RABGAP1: variants seen among roughly 807,000 people sequenced by gnomAD.
RABGAP1 encodes the protein RAB GTPase activating protein 1, also known as rab GTPase-activating protein 1.
In RABGAP1, 23 loss-of-function variants were observed where a neutral mutation model predicts 137.6. The ratio of observed to expected loss-of-function variants is 0.17; its 90% CI spans 0.12 to 0.24. RABGAP1 has a LOEUF of 0.24. Among genes scored for constraint, RABGAP1 ranks in the 10% least tolerant of loss-of-function variants. The probability of loss-of-function intolerance (pLI) is 1.00; values close to 1 mark genes in which losing one functional copy is unlikely to be tolerated. For synonymous variants in RABGAP1, 451 were observed against 450.7 expected (o/e 1.00, Z -0.01); for missense variants, 906 against 1,275.8 (o/e 0.71, Z 4.42).
At position 122,998,660 on chromosome 9, in the gene RABGAP1, G is replaced by A. The variant is rs767417152; in HGVS notation, c.1268G>A (p.Arg423Gln). ...LVITEVQEPV[R>Q]FLLETKVRVC... ...ATAACAGAAGTACAGGAGCCTGTTC[G>A]ATTTCTCCTGGAGACAAAAGTCCGC... Residue 423 changes from arginine (R) to glutamine (Q), a missense_variant, in exon 10 of 26, where the codon CGA becomes CAA. By Grantham distance (43) the Arg-to-Gln change is conservative. This residue lies in a region of RABGAP1 where 212 missense variants were observed against 289.4 expected (regional missense o/e 0.73). Coordinates refer to ENST00000373647, the MANE Select transcript of RABGAP1 (RefSeq NM_012197.4). The A allele has an allele frequency of 6.2e-7, 1 of 1,611,720 alleles. No individual in the cohort carries two copies. The highest frequency in any genetic ancestry group is 8.5e-7 in the Non-Finnish European group (1 of 1,177,926).
chr9:122,973,658 C>G (rs1835596622), intron 2 of RABGAP1, among the ~76,000 whole-genome samples: 1 of 152,200 alleles, frequency 6.6e-6, no homozygotes, highest in Non-Finnish European at 1.5e-5. Flanking sequence ...AAAAGTCACT[C>G]TGTCTCAGTA....
intron 1 of RABGAP1, chr9:122,945,848 C>T (rs1045378055): frequency 1.2e-4 from 18 of 152,158 alleles, no homozygotes; most frequent in Admixed American, 6.5e-5. Context: ...TTAAAACTTT[C>T]TCCCTTTTTC....
At chr9:122,979,199 A>G (rs1835924649) in intron 2 of RABGAP1, among the ~76,000 whole-genome samples, 2 of 152,150 alleles carry the variant, frequency 1.3e-5, no homozygotes, top group Non-Finnish European at 2.9e-5. Flanking sequence ...CGCCCAGACT[A>G]TAGTCATTCT....
At chr9:122,956,129 C>T (rs1249177588) in intron 1 of RABGAP1, among the ~76,000 whole-genome samples, 1 of 152,084 alleles carries the variant, frequency 6.6e-6, no homozygotes, top group Non-Finnish European at 1.5e-5. Flanking sequence ...GGGTAATGTT[C>T]ATATTGAGCT....
rs1382897252 is a variant in RABGAP1 at position 122,997,342 on chromosome 9, A to G, written c.1185A>G (p.Val395=). The change falls in exon 9 of 26, where the codon GTA becomes GTG. Residue 395 remains valine, a synonymous_variant. Transcript: ENST00000373647. ...CAAAATCCCCACATTTTCAAGTTGT[A>G]AATGAAGAAACTCCTAAAGGTGATA... ...WNPKSPHFQV[V]NEETPKDKVL... 6.2e-7 allele frequency: 1 copy of G among 1,607,132 alleles called. No individual in the cohort carries two copies. The highest frequency in any genetic ancestry group is 1.1e-5 in the South Asian group (1 of 90,518).
chr9:123,087,774 T>C (rs944057808), intron 19 of RABGAP1, among the ~76,000 whole-genome samples: 1 of 152,148 alleles, frequency 6.6e-6, no homozygotes, highest in African/African-American at 2.4e-5. Flanking sequence ...ACAGCCTGAC[T>C]AGGGGAGGTG....
intron 10 of RABGAP1, among the ~76,000 whole-genome samples, chr9:123,005,384 C>T (rs2030150067): frequency 6.6e-6 from 1 of 150,880 alleles, no homozygotes; most frequent in African/African-American, 2.4e-5. Context: ...CCATTTGTAT[C>T]TCCTTACCCC....
intron 10 of RABGAP1, among the ~76,000 whole-genome samples, chr9:123,007,813 C>T (rs551646160): frequency 6.7e-6 from 1 of 150,054 alleles, no homozygotes; most frequent in South Asian, 2.1e-4. Context: ...CAAGTCTACC[C>T]TTTTTTGTCT....
chr9:123,092,936 C>A (rs1419231427), intron 21 of RABGAP1, among the ~76,000 whole-genome samples: 1 of 152,168 alleles, frequency 6.6e-6, no homozygotes, highest in African/African-American at 2.4e-5. Context: ...AGGGCCCATC[C>A]TGCAGTCATC....
In RABGAP1 at chr9:123,066,148, G is replaced by A. The variant is rs147968417; in HGVS notation, c.1908+687G>A. 1.5e-3 allele frequency among the ~76,000 whole-genome samples: 227 copies of A among 152,246 alleles called. 2 individuals are homozygous for A. In the East Asian group the frequency reaches 0.026, roughly 17 times the overall value. ...GTACAGGTAAGGCATGAGACATGTCGCTAATGCTATATGACAACTGGTTTT... is the reference window on the plus strand; with the variant it reads ...GTACAGGTAAGGCATGAGACATGTCACTAATGCTATATGACAACTGGTTTT... On this transcript the variant is annotated intron_variant, in intron 14 of 25. Coordinates refer to ENST00000373647, the MANE Select transcript of RABGAP1 (RefSeq NM_012197.4).
chr9:122,944,380 C>T (rs879719247), intron 1 of RABGAP1, among the ~76,000 whole-genome samples: 3 of 151,994 alleles, frequency 2.0e-5, no homozygotes, highest in Non-Finnish European at 2.9e-5. Flanking sequence ...CAGGCACATG[C>T]GACCACACCC....
At position 123,025,543 on chromosome 9, in the gene RABGAP1, C is replaced by CTTTTTTTTTTTTTTTTTTTTT. The variant is rs577474947; in HGVS notation, c.1794+5101_1794+5102insTTTTTTTTTTTTTTTTTTTTT. On this transcript the variant is annotated intron_variant, in intron 13 of 25. Coordinates refer to ENST00000373647, the MANE Select transcript of RABGAP1 (RefSeq NM_012197.4). Reference sequence around the variant, plus strand: ...TTTTATTTGTTCAGATCTTTCTTTTCTTTTTTTTTTTTTTTTTGCCTTCAA... The same window carrying CTTTTTTTTTTTTTTTTTTTTT: ...TTTTATTTGTTCAGATCTTTCTTTTCTTTTTTTTTTTTTTTTTTTTTTTTTTTTTTTTTTTTTTGCCTTCAA... 2.9e-4 allele frequency among the ~76,000 whole-genome samples: 22 copies of CTTTTTTTTTTTTTTTTTTTTT among 74,988 alleles called. 1 individual carries two copies. Among genetic ancestry groups the CTTTTTTTTTTTTTTTTTTTTT allele is most frequent in the East Asian group, 8.8e-4 (3 of 3,400 alleles). 49.2% of individuals were successfully genotyped at this position (74,988 alleles called of 152,430 possible). A position where few individuals can be genotyped will look rare whatever the true frequency, so the allele number is the denominator to read the frequency against.
At chr9:123,035,370 T>C in intron 13 of RABGAP1, 1 of 1,614,114 alleles carries the variant, frequency 6.2e-7, no homozygotes, top group Admixed American at 1.7e-5. Context: ...GGTTGCCATA[T>C]ATCATCTACT....
At chr9:122,995,968 T>C in intron 6 of RABGAP1, 73 bp from the exon 7 acceptor site, 1 of 1,497,252 alleles carries the variant, frequency 6.7e-7, no homozygotes. Flanking sequence ...TTTGAGGTCT[T>C]TGTTTAAAAA....
At chr9:122,935,616 C>T in the RABGAP1 span, among the ~76,000 whole-genome samples, 1 of 152,026 alleles carries the variant, frequency 6.6e-6, no homozygotes, top group Non-Finnish European at 1.5e-5. Flanking sequence ...GCTGGGATTA[C>T]AGACATGAGC....
In RABGAP1 at chr9:122,948,042, A is replaced by AACACACACAC. The variant is rs55683114; in HGVS notation, c.-50+6981_-50+6990dup. Among the ~76,000 whole-genome samples, 219 of 146,040 alleles carry AACACACACAC rather than the reference A, an allele frequency of 1.5e-3. 1 individual carries two copies. The highest frequency in any genetic ancestry group is 4.5e-3 in the African/African-American group (173 of 38,208). On this transcript the variant is annotated intron_variant, in intron 1 of 25. Coordinates refer to ENST00000373647, the MANE Select transcript of RABGAP1 (RefSeq NM_012197.4). ...GTGAAACAAAGTTCAGAGCCAGGAA[A>AACACACACAC]ACACACACACACACACACACACACA...
intron 14 of RABGAP1, among the ~76,000 whole-genome samples, chr9:123,069,575 TAAAAAA>T (rs11319313): frequency 6.9e-6 from 1 of 145,452 alleles, no homozygotes; most frequent in African/African-American, 2.5e-5. Flanking sequence ...CTGTCTCTAT[TAAAAAA>T]AAAAAAAATG....
chr9:123,042,338 G>A (rs1388705840), intron 13 of RABGAP1, among the ~76,000 whole-genome samples: 1 of 152,124 alleles, frequency 6.6e-6, no homozygotes, highest in Non-Finnish European at 1.5e-5. Flanking sequence ...TTAACAGACA[G>A]CCAGAGATAA....
intron 13 of RABGAP1, among the ~76,000 whole-genome samples, chr9:123,049,128 T>C (rs1195522898): frequency 6.6e-6 from 1 of 152,204 alleles, no homozygotes; most frequent in South Asian, 2.1e-4. Context: ...TATTTCAACG[T>C]GTGGTATAGA....
Sources: gnomAD v4.1 joint callset for allele counts (sites outside exome capture counted in the v4.1 genomes callset) on GRCh38, gnomAD v4.1.1 for gene constraint, gnomAD v4.1.1 regional missense constraint, MANE v1.5 for transcripts, NCBI Gene and HGNC (gene_info 2026-07-23, HGNC 2026-07-21) for gene names.